Variants in ANO10 observed in about 807,000 individuals in gnomAD.
The protein encoded by ANO10 is anoctamin 10.
In ANO10, 77 loss-of-function variants were observed where a neutral mutation model predicts 74.7. That is an observed-to-expected ratio of 1.03 (90% confidence interval 0.86 to 1.25). The LOEUF is 1.25. Ranked by LOEUF, ANO10 falls within the 50% of genes most tolerant of loss-of-function variation. The pLI, the probability that ANO10 is intolerant of heterozygous loss-of-function variation, is 0.00. For synonymous variants in ANO10, 279 were observed against 284.9 expected (o/e 0.98, Z 0.21); for missense variants, 721 against 778.1 (o/e 0.93, Z 0.87).
At chr3:43,453,126 C>T (rs1023041023) in intron 11 of ANO10, among the ~76,000 whole-genome samples, 8 of 151,330 alleles carry the variant, frequency 5.3e-5, no homozygotes, top group South Asian at 2.1e-4. Context: ...TGGTGTCCTT[C>T]GAAGCACAAA....
chr3:43,507,220 C>T (rs1310257170), intron 11 of ANO10, among the ~76,000 whole-genome samples: 2 of 152,194 alleles, frequency 1.3e-5, no homozygotes, highest in African/African-American at 4.8e-5. Flanking sequence ...TGGGTACCTT[C>T]TTTCACTAGA....
At chr3:43,527,623 A>G (rs1329314624) in intron 11 of ANO10, among the ~76,000 whole-genome samples, 1 of 152,218 alleles carries the variant, frequency 6.6e-6, no homozygotes, top group African/African-American at 2.4e-5. Flanking sequence ...CTAGGAGATA[A>G]GCAATGGCAT....
intron 11 of ANO10, among the ~76,000 whole-genome samples, chr3:43,479,697 GA>G (rs1401151800): frequency 6.6e-6 from 1 of 152,206 alleles, no homozygotes; most frequent in African/African-American, 2.4e-5. Context: ...TTAAACAGAT[GA>G]ACTTACGTCT....
At chr3:43,462,027 G>C (rs2075400180) in intron 11 of ANO10, among the ~76,000 whole-genome samples, 1 of 152,212 alleles carries the variant, frequency 6.6e-6, no homozygotes, top group African/African-American at 2.4e-5. Context: ...GACTCAGATG[G>C]AGATGAGAAA....
intron 11 of ANO10, among the ~76,000 whole-genome samples, chr3:43,542,652 T>G (rs1434478274): frequency 6.6e-6 from 1 of 152,126 alleles, no homozygotes; most frequent in African/African-American, 2.4e-5. Flanking sequence ...ACTCAAAGAT[T>G]AAAAGGAAAT....
chr3:43,675,142 T>C (rs1442948555), intron 1 of ANO10, among the ~76,000 whole-genome samples: 1 of 152,178 alleles, frequency 6.6e-6, no homozygotes, highest in African/African-American at 2.4e-5. Flanking sequence ...GTTTTTCCAA[T>C]ATATGGTGTT....
chr3:43,417,598 G>T (rs527697540), intron 12 of ANO10, among the ~76,000 whole-genome samples: 3 of 151,730 alleles, frequency 2.0e-5, no homozygotes, highest in Non-Finnish European at 4.4e-5. Context: ...GCGTGTGTTC[G>T]TGTCCTAAAT....
intron 12 of ANO10, among the ~76,000 whole-genome samples, chr3:43,370,946 G>A (rs1197587096): frequency 6.6e-6 from 1 of 152,148 alleles, no homozygotes; most frequent in Non-Finnish European, 1.5e-5. Context: ...GAATGGCCAT[G>A]GTGGACTCCA....
At chr3:43,622,888 T>C (rs1430238845), upstream of ANO10, among the ~76,000 whole-genome samples, 1 of 152,186 alleles carries the variant, frequency 6.6e-6, no homozygotes, top group Non-Finnish European at 1.5e-5. Context: ...TGTTTTGAGA[T>C]AGAGCCTCGC....
intron 12 of ANO10, among the ~76,000 whole-genome samples, chr3:43,388,747 A>C (rs547038555): frequency 2.0e-5 from 3 of 152,256 alleles, no homozygotes; most frequent in Non-Finnish European, 4.4e-5. Context: ...AAAGAGGATA[A>C]AGGCTAGAAC....
At chr3:43,391,100 C>T (rs2092263102) in intron 12 of ANO10, among the ~76,000 whole-genome samples, 1 of 152,206 alleles carries the variant, frequency 6.6e-6, no homozygotes, top group African/African-American at 2.4e-5. Context: ...TCTGAACTAT[C>T]TGAGGGTAAG....
At chr3:43,583,466 T>G (rs2081348245) in intron 4 of ANO10, among the ~76,000 whole-genome samples, 1 of 152,218 alleles carries the variant, frequency 6.6e-6, no homozygotes, top group Non-Finnish European at 1.5e-5. Context: ...AAATCTAGTT[T>G]AAGAGAGACT....
At chr3:43,654,246 GA>G (rs1052165635) in intron 1 of ANO10, among the ~76,000 whole-genome samples, 1 of 152,054 alleles carries the variant, frequency 6.6e-6, no homozygotes, top group Non-Finnish European at 1.5e-5. Context: ...AGAAGAAAGG[GA>G]AAAAATCCCA....
chr3:43,690,936 C>G (rs1338264247), intron 1 of ANO10: 53 of 1,531,600 alleles, frequency 3.5e-5, no homozygotes, highest in East Asian at 1.6e-4. Context: ...CCGGGGCGGC[C>G]CAGTCGGCCT....
intron 1 of ANO10, among the ~76,000 whole-genome samples, chr3:43,642,974 GT>G (rs922520037): frequency 1.3e-5 from 2 of 150,990 alleles, no homozygotes; most frequent in Non-Finnish European, 2.9e-5. Context: ...ACAATGTTGT[GT>G]TACATAACCT....
chr3:43,570,979 A>G (rs1487480239), intron 7 of ANO10, among the ~76,000 whole-genome samples: 3 of 148,780 alleles, frequency 2.0e-5, no homozygotes, highest in Admixed American at 6.7e-5. Flanking sequence ...AACTCCAACA[A>G]ATTTACAAGA....
At chr3:43,641,431 T>C (rs2083668944) in intron 1 of ANO10, among the ~76,000 whole-genome samples, 1 of 152,198 alleles carries the variant, frequency 6.6e-6, no homozygotes, top group Non-Finnish European at 1.5e-5. Context: ...TATACAAAGC[T>C]ACATAGCAAG....
intron 11 of ANO10, among the ~76,000 whole-genome samples, chr3:43,514,003 G>A (rs1265061296): frequency 6.8e-6 from 1 of 146,952 alleles, no homozygotes; most frequent in East Asian, 2.0e-4. Flanking sequence ...TTTTTATTTT[G>A]TTTGCTATAT....
At chr3:43,662,154 A>G (rs941706875) in intron 1 of ANO10, among the ~76,000 whole-genome samples, 1 of 152,228 alleles carries the variant, frequency 6.6e-6, no homozygotes, top group South Asian at 2.1e-4. Flanking sequence ...ACATAATTGG[A>G]AGTAAAACAC....
Sources: allele counts gnomAD v4.1 joint callset (sites outside exome capture counted in the v4.1 genomes callset), GRCh38; gene constraint gnomAD v4.1.1; transcripts MANE v1.5; gene names NCBI Gene and HGNC (gene_info 2026-07-23, HGNC 2026-07-21).